ESCO1: variants seen among roughly 807,000 people sequenced by gnomAD.
The protein encoded by ESCO1 is N-acetyltransferase ESCO1.
A neutral mutation model predicts 83.5 loss-of-function variants in ESCO1; 33 were observed. That is an observed-to-expected ratio of 0.40 (90% CI 0.30 to 0.53). The LOEUF is 0.53. Ranked by LOEUF, ESCO1 falls within the 20% of genes least tolerant of loss-of-function variation. The probability of loss-of-function intolerance (pLI) is 0.63; values close to 1 mark genes in which losing one functional copy is unlikely to be tolerated. For synonymous variants in ESCO1, 332 were observed against 324.3 expected (o/e 1.02, Z -0.25); for missense variants, 855 against 968.0 (o/e 0.88, Z 1.55).
chr18:21,597,023 CAA>C, intron 1 of ESCO1: 1 of 152,188 alleles, frequency 6.6e-6, no homozygotes, highest in South Asian at 2.1e-4. Flanking sequence ...CATACGAGAG[CAA>C]AAGATTAAAA....
In ESCO1 at chr18:21,532,546, C is replaced by T. The variant is rs1288124796; in HGVS notation, c.2302G>A (p.Gly768Arg). ...CTGAATACCCATATTCGACTGATCC[C>T]GCAGATTGCAGGCTCTGGTAATGTT... ...CSTLPEPAICGISRIWVFSMM... is the reference protein window; with the variant it reads ...CSTLPEPAICRISRIWVFSMM... The change falls in exon 11 of 12, where the codon GGG becomes AGG. Residue 768 changes from glycine to arginine, a missense_variant. Physicochemically the swap from Gly to Arg is moderately radical, Grantham distance 125 (BLOSUM62 -2). Transcript: ENST00000269214. 1.9e-6 allele frequency: 3 copies of T among 1,614,010 alleles called. No individual in the cohort carries two copies. The highest frequency in any genetic ancestry group is 1.3e-5 in the African/African-American group (1 of 74,918).
chr18:21,555,451 T>C (rs957698493), intron 8 of ESCO1, among the ~76,000 whole-genome samples: 1 of 152,174 alleles, frequency 6.6e-6, no homozygotes, highest in African/African-American at 2.4e-5. Flanking sequence ...TTATAACAAA[T>C]GTACAACTAT....
chr18:21,555,930 A>C (rs1484912089), intron 8 of ESCO1, among the ~76,000 whole-genome samples: 1 of 151,434 alleles, frequency 6.6e-6, no homozygotes, highest in East Asian at 1.9e-4. Flanking sequence ...ACTGCATTCC[A>C]GCCTGGGCAA....
rs539557776 is a variant in ESCO1 at position 21,574,490 on chromosome 18, A to G, written c.354T>C (p.Leu118=). The change falls in exon 4 of 12, where the codon CTT becomes CTC. Residue 118 remains leucine, a synonymous_variant. Transcript: ENST00000269214. ...VHENPKANEQ[L]NRRSQRLQQL... The stretch of plus-strand genomic sequence containing the variant: ...GTTGTAGCCTTTGTGATCTCCGGTT[A>G]AGCTGTTCATTTGCTTTAGGGTTTT... The G allele has an allele frequency of 6.2e-7, 1 of 1,614,086 alleles. No individual in the cohort carries two copies. The highest frequency in any genetic ancestry group is 2.2e-5 in the East Asian group (1 of 44,866).
At chr18:21,593,984 T>C (rs1187877933) in intron 1 of ESCO1, among the ~76,000 whole-genome samples, 5 of 152,138 alleles carry the variant, frequency 3.3e-5, no homozygotes, top group Admixed American at 6.5e-5. Flanking sequence ...TTGAACCACA[T>C]AGAGTCTTTG....
At chr18:21,536,496 C>A (rs905967552) in intron 9 of ESCO1, among the ~76,000 whole-genome samples, 3 of 150,154 alleles carry the variant, frequency 2.0e-5, no homozygotes, top group African/African-American at 7.4e-5. Flanking sequence ...GAGGCTGAGA[C>A]AGGAGAATCC....
At chr18:21,538,650 T>C (rs967618074) in intron 9 of ESCO1, among the ~76,000 whole-genome samples, 1 of 152,218 alleles carries the variant, frequency 6.6e-6, no homozygotes, top group Non-Finnish European at 1.5e-5. Flanking sequence ...GCAAAGTATT[T>C]TCCTTCAACC....
In ESCO1 at chr18:21,565,217, T is replaced by C. The variant is rs117212316; in HGVS notation, c.1707-900A>G. On this transcript the variant is annotated intron_variant, in intron 6 of 11. Coordinates refer to ENST00000269214, the MANE Select transcript of ESCO1 (RefSeq NM_052911.3). ...ACTTACCACAGTTTGAATATGCTTT[T>C]AAGTTTTATAGTTTTAGCTATCTAA... is the stretch of plus-strand genomic sequence containing the variant. Among the ~76,000 whole-genome samples the C allele has an allele frequency of 5.0e-3, 762 of 152,366 alleles. 3 individuals carry two copies. The highest frequency in any genetic ancestry group is 0.037 in the Middle Eastern group (11 of 294).
At position 21,536,204 on chromosome 18, in the gene ESCO1, TA is replaced by T; in HGVS notation, c.2044-20del. ...CGTCAACCTGCCAAATAAAGAACAG[TA>T]ATTATTTTTAAATGAAAATATTATA... On this transcript the variant is annotated intron_variant, in intron 9 of 11. Coordinates refer to ENST00000269214, the MANE Select transcript of ESCO1 (RefSeq NM_052911.3). The T allele has an allele frequency of 6.2e-7, 1 of 1,600,770 alleles. No homozygotes were observed. The highest frequency in any genetic ancestry group is 1.3e-5 in the African/African-American group (1 of 74,132).
At chr18:21,573,103 A>T (rs1304937240) in intron 4 of ESCO1, among the ~76,000 whole-genome samples, 1 of 152,202 alleles carries the variant, frequency 6.6e-6, no homozygotes, top group African/African-American at 2.4e-5. Context: ...AGTAAAAATG[A>T]GGAAACAATG....
intron 2 of ESCO1, among the ~76,000 whole-genome samples, chr18:21,580,059 C>A (rs941762387): frequency 6.6e-6 from 1 of 151,594 alleles, no homozygotes; most frequent in African/African-American, 2.4e-5. Context: ...CCACACCCAG[C>A]CAATGTTTTT....
chr18:21,565,961 T>G (rs1216933535), intron 6 of ESCO1, among the ~76,000 whole-genome samples, 185 bp downstream of exon 6: 1 of 151,762 alleles, frequency 6.6e-6, no homozygotes. Context: ...AAATAAAGAA[T>G]GAGGTAGTAG....
chr18:21,538,633 A>G (rs1275879804), intron 9 of ESCO1, among the ~76,000 whole-genome samples: 1 of 152,234 alleles, frequency 6.6e-6, no homozygotes, highest in Non-Finnish European at 1.5e-5. Context: ...ACTTTCAAAT[A>G]ACAGGCGCAA....
At chr18:21,532,137 G>A (rs1305984018) in intron 11 of ESCO1, among the ~76,000 whole-genome samples, 2 of 152,060 alleles carry the variant, frequency 1.3e-5, no homozygotes, top group Non-Finnish European at 2.9e-5. Context: ...GAACTCCCAA[G>A]GAACTTTCCA....
At chr18:21,556,698 ACT>A (rs2038116728) in intron 8 of ESCO1, among the ~76,000 whole-genome samples, 3 of 149,552 alleles carry the variant, frequency 2.0e-5, no homozygotes, top group Non-Finnish European at 4.4e-5. Context: ...AGATCTGTCA[ACT>A]CTTTTTTTTT....
intron 8 of ESCO1, chr18:21,540,800 C>T: frequency 9.7e-7 from 1 of 1,027,742 alleles, no homozygotes; most frequent in Non-Finnish European, 1.2e-6. Context: ...AAAATAAGTA[C>T]AGAAGGAATG....
At chr18:21,563,592 C>T (rs933698868) in intron 7 of ESCO1, among the ~76,000 whole-genome samples, 45 of 152,164 alleles carry the variant, frequency 3.0e-4, no homozygotes, top group Non-Finnish European at 5.0e-4. Flanking sequence ...AGGTGATCCA[C>T]CCACCTTGGC....
chr18:21,592,686 C>T (rs1301138549), intron 1 of ESCO1, among the ~76,000 whole-genome samples: 10 of 150,596 alleles, frequency 6.6e-5, no homozygotes, highest in Non-Finnish European at 1.2e-4. Context: ...GGGCAGCTGC[C>T]GGGCGGAGAC....
intron 1 of ESCO1, among the ~76,000 whole-genome samples, chr18:21,585,089 C>T (rs2847137): frequency 0.98 from 147,050 of 149,416 alleles, 72,405 homozygotes; most frequent in South Asian, 1. Flanking sequence ...TGCAGTGAGC[C>T]GAGATCGAGC....
Sources: allele counts gnomAD v4.1 joint callset (sites outside exome capture counted in the v4.1 genomes callset), GRCh38; gene constraint gnomAD v4.1.1; transcripts MANE v1.5; gene names NCBI Gene and HGNC (gene_info 2026-07-23, HGNC 2026-07-21).